The following EPHA7 variants were observed in gnomAD, a reference collection of about 807,000 sequenced individuals.
The protein encoded by EPHA7 is EPH receptor A7, also known as ephrin type-A receptor 7.
A neutral mutation model predicts 112.6 loss-of-function variants in EPHA7; 25 were observed. The observed-to-expected ratio is 0.22, with a 90% CI of 0.16 to 0.31. EPHA7 has a LOEUF of 0.31. Among genes scored for constraint, EPHA7 ranks in the 10% least tolerant of loss-of-function variants. The pLI, the probability that EPHA7 is intolerant of heterozygous loss-of-function variation, is 1.00. For missense variants in EPHA7, 962 were observed against 1,212.6 expected, an observed-to-expected ratio of 0.79 and a Z score of 3.07; for synonymous variants, 437 against 406.5, an observed-to-expected ratio of 1.07 and a Z score of -0.90.
intron 3 of EPHA7, among the ~76,000 whole-genome samples, chr6:93,400,476 C>T (rs1778385428): frequency 6.6e-6 from 1 of 152,010 alleles, no homozygotes; most frequent in Non-Finnish European, 1.5e-5. Flanking sequence ...ATCCATTCAC[C>T]CCTAATCCCT....
intron 9 of EPHA7, among the ~76,000 whole-genome samples, chr6:93,260,106 T>C (rs1470872864): frequency 1.3e-5 from 2 of 151,902 alleles, no homozygotes. Flanking sequence ...AGAGGCCAGA[T>C]ATACAAAATG....
intron 5 of EPHA7, among the ~76,000 whole-genome samples, chr6:93,301,102 A>C (rs1223820934): frequency 6.6e-6 from 1 of 152,198 alleles, no homozygotes; most frequent in Non-Finnish European, 1.5e-5. Context: ...CCAAAATGTC[A>C]TTATGTAGCA....
At chr6:93,268,252 G>T (rs942304505) in intron 7 of EPHA7, among the ~76,000 whole-genome samples, 2 of 151,610 alleles carry the variant, frequency 1.3e-5, no homozygotes, top group Non-Finnish European at 3.0e-5. Flanking sequence ...ATGTCAAAAT[G>T]ATTTCAGCAT....
chr6:93,310,898 C>T (rs939188435), intron 5 of EPHA7, among the ~76,000 whole-genome samples: 2 of 151,968 alleles, frequency 1.3e-5, no homozygotes, highest in African/African-American at 4.8e-5. Flanking sequence ...TTTCTTAAAA[C>T]AACAGTGATG....
intron 3 of EPHA7, among the ~76,000 whole-genome samples, chr6:93,376,432 C>A (rs747544255): frequency 6.6e-5 from 10 of 152,102 alleles, no homozygotes; most frequent in Non-Finnish European, 1.3e-4. Flanking sequence ...TAAGTCACCA[C>A]GCCTGGTCCA....
intron 3 of EPHA7, among the ~76,000 whole-genome samples, chr6:93,375,593 C>T (rs749570716): frequency 3.1e-5 from 4 of 127,342 alleles, no homozygotes; most frequent in Non-Finnish European, 6.9e-5. Flanking sequence ...ACTCAAAAAA[C>T]AAACAAAAAA....
At chr6:93,344,555 T>C (rs973716792) in intron 5 of EPHA7, among the ~76,000 whole-genome samples, 3 of 151,696 alleles carry the variant, frequency 2.0e-5, no homozygotes, top group African/African-American at 7.3e-5. Flanking sequence ...AATTCAGCCA[T>C]CATTGAGCTG....
Position 93,411,096 on chromosome 6 carries a change from G to A in EPHA7, c.237C>T (p.Pro79=), listed in dbSNP as rs373822401. Residue 79 remains proline (P), a synonymous_variant, in exon 3 of 17, where the codon CCC becomes CCT. Transcript: ENST00000369303. ...RTYQVCQVME[P]NQNNWLRTNW... is the part of the protein sequence containing the mutation. ...TAGTCCGCAGCCAGTTGTTTTGGTT[G>A]GGCTCCATGACTTGGCACACCTGGT... 1 of 1,613,654 alleles carries A rather than the reference G, an allele frequency of 6.2e-7. No homozygotes were observed.
rs1371947396 is a variant in EPHA7 at position 93,245,532 on chromosome 6, G to C, written c.2727-79C>G. On this transcript the variant is annotated intron_variant, in intron 15 of 16. Transcript: ENST00000369303. The stretch of plus-strand genomic sequence containing the variant: ...AATGTTTTGGCCCATATAAAATTAA[G>C]GTATAAAGAACAAAATTAGATGTTT... 4.9e-6 allele frequency: 7 copies of C among 1,433,318 alleles called. No individual in the cohort carries two copies. In the East Asian group the frequency reaches 1.6e-4, roughly 34 times the overall value. 88.8% of individuals were successfully genotyped at this position (1,433,318 alleles called of 1,614,324 possible). A position where few individuals can be genotyped will look rare whatever the true frequency, so the allele number is the denominator to read the frequency against.
chr6:93,370,336 C>T (rs1776727660), intron 3 of EPHA7, among the ~76,000 whole-genome samples: 1 of 151,976 alleles, frequency 6.6e-6, no homozygotes, highest in Admixed American at 6.6e-5. Flanking sequence ...CATGACCTAC[C>T]CAAACCCAAA....
chr6:93,262,643 A>G (rs759150704), intron 9 of EPHA7, among the ~76,000 whole-genome samples: 2 of 151,354 alleles, frequency 1.3e-5, no homozygotes, highest in Non-Finnish European at 3.0e-5. Flanking sequence ...TGCCCTTCTT[A>G]TCATCAGAGG....
At chr6:93,264,510 T>A in intron 8 of EPHA7, 84 bp downstream of exon 8, 1 of 779,746 alleles carries the variant, frequency 1.3e-6, no homozygotes, top group South Asian at 2.1e-5. Context: ...TATTTAAAAT[T>A]TTATTACACT....
intron 14 of EPHA7, 116 bp from the exon 15 acceptor site, chr6:93,247,101 A>G (rs1226987745): frequency 1.1e-6 from 1 of 940,976 alleles, no homozygotes; most frequent in East Asian, 2.7e-5. Context: ...ATGCTTCACA[A>G]AAGACTTACT....
At chr6:93,361,426 G>T (rs1776256066) in intron 3 of EPHA7, among the ~76,000 whole-genome samples, 1 of 152,062 alleles carries the variant, frequency 6.6e-6, no homozygotes, top group South Asian at 2.1e-4. Flanking sequence ...GGTGGAAAAA[G>T]CTTGGGAAAG....
At chr6:93,260,960 CTCTT>C (rs893648464) in intron 9 of EPHA7, among the ~76,000 whole-genome samples, 9 of 151,536 alleles carry the variant, frequency 5.9e-5, no homozygotes, top group South Asian at 2.1e-4. Flanking sequence ...TTTTTATTCT[CTCTT>C]TCTTTCATTT....
At chr6:93,409,200 T>C (rs760723996) in intron 3 of EPHA7, among the ~76,000 whole-genome samples, 63 of 152,212 alleles carry the variant, frequency 4.1e-4, no homozygotes, top group Non-Finnish European at 6.9e-4. Flanking sequence ...TTTATATATG[T>C]ATATGAGGCA....
In EPHA7 at chr6:93,240,067, A is replaced by G. The variant is rs1320275675; in HGVS notation, c.*3359T>C. The G allele has an allele frequency of 1.4e-5, 3 of 220,408 alleles. No homozygotes were observed. The East Asian group carries it at 2.0e-4, about 15-fold the overall frequency. 13.7% of individuals were successfully genotyped at this position (220,408 alleles called of 1,614,324 possible). On this transcript the variant is annotated 3_prime_UTR_variant, in exon 17 of 17. Coordinates refer to ENST00000369303, the MANE Select transcript of EPHA7 (RefSeq NM_004440.4). ...ACTTGTTTATTATTTTAAGCTGGTA[A>G]AAAGAGACTTATGATTCATGTTGAA...
At chr6:93,415,428 G>C (rs1275684104) in intron 1 of EPHA7, among the ~76,000 whole-genome samples, 6 of 151,658 alleles carry the variant, frequency 4.0e-5, no homozygotes, top group Admixed American at 2.0e-4. Context: ...TCTCAAAATG[G>C]TATCAACTCT....
chr6:93,250,632 T>C (rs1216674167), intron 14 of EPHA7, among the ~76,000 whole-genome samples: 3 of 152,212 alleles, frequency 2.0e-5, no homozygotes, highest in Non-Finnish European at 4.4e-5. Flanking sequence ...ATTCTTCATA[T>C]AGTTAGATAT....
Sources: gnomAD v4.1 joint callset for allele counts (sites outside exome capture counted in the v4.1 genomes callset) on GRCh38, gnomAD v4.1.1 for gene constraint, MANE v1.5 for transcripts, NCBI Gene and HGNC (gene_info 2026-07-23, HGNC 2026-07-21) for gene names.